Variants in RDH8 observed in about 807,000 individuals in gnomAD.
RDH8 encodes retinol dehydrogenase 8.
In RDH8, 14 loss-of-function variants were observed where a neutral mutation model predicts 22.3. That is an observed-to-expected ratio of 0.63 (90% CI 0.42 to 0.98). The LOEUF (loss-of-function observed/expected upper bound fraction) is 0.98. RDH8 is among the 50% of genes least tolerant of loss of function. RDH8 has a pLI of 0.00. For synonymous variants in RDH8, 175 were observed against 171.7 expected, an observed-to-expected ratio of 1.02 and a Z score of -0.15; for missense variants, 389 against 409.8, an observed-to-expected ratio of 0.95 and a Z score of 0.44.
At chr19:10,015,081 G>A (rs2087600306) in intron 1 of RDH8, among the ~76,000 whole-genome samples, 1 of 152,218 alleles carries the variant, frequency 6.6e-6, no homozygotes, top group East Asian at 1.9e-4. Context: ...GATTATGGGT[G>A]CACACATTGG....
rs1047632812 is a variant in RDH8, at chr19:10,013,513, C to T, written c.16C>T (p.Arg6Trp). The change falls in exon 1 of 6, where the codon CGG (arginine) becomes TGG (tryptophan). Residue 6 changes from arginine to tryptophan, a missense_variant. Physicochemically the swap from Arg to Trp is moderately radical, Grantham distance 101 (BLOSUM62 -3). Transcript: ENST00000591589. MAAAPRTVLISGCSSG... is the reference protein window; with the variant it reads MAAAPWTVLISGCSSG... Reference sequence around the variant, plus strand: ...GGGGATCAACATGGCCGCTGCACCCCGGACTGTGTTGATCTCCGGCTGCTC... The same window carrying T: ...GGGGATCAACATGGCCGCTGCACCCTGGACTGTGTTGATCTCCGGCTGCTC... 6.2e-6 allele frequency: 10 copies of T among 1,613,384 alleles called. No homozygotes were observed. Among genetic ancestry groups the T allele is most frequent in the African/African-American group, 4.0e-5 (3 of 74,878 alleles).
At chr19:10,021,153 AAC>A (rs913716860) in intron 4 of RDH8, 100 bp from the exon 5 acceptor site, 1 of 1,129,186 alleles carries the variant, frequency 8.9e-7, no homozygotes, top group African/African-American at 1.6e-5. Flanking sequence ...CAGCCTGGGC[AAC>A]AGAGTGAGAC....
In RDH8 at chr19:10,021,815, A is replaced by C. The variant is rs2087664573; in HGVS notation, c.*66A>C. Reference sequence around the variant, plus strand: ...ACCTCTTCATTCCACATCTAATTCAAAGGATGAACAGACTCTTCATTTATT... The same window carrying C: ...ACCTCTTCATTCCACATCTAATTCACAGGATGAACAGACTCTTCATTTATT... On this transcript the variant is annotated 3_prime_UTR_variant, in exon 6 of 6. Coordinates refer to ENST00000591589, the MANE Select transcript of RDH8 (RefSeq NM_015725.4). The C allele has an allele frequency of 4.8e-6, 7 of 1,461,678 alleles. No individual in the cohort carries two copies. The highest frequency in any genetic ancestry group is 6.6e-6 in the Non-Finnish European group (7 of 1,061,416). The allele number at this position is 1,461,678 out of a possible 1,614,324, so 90.5% of individuals were successfully genotyped here. A position where few individuals can be genotyped will look rare whatever the true frequency, so the allele number is the denominator to read the frequency against.
In RDH8 at chr19:10,021,580, A is replaced by G. The variant is rs767644287; in HGVS notation, c.767A>G (p.Gln256Arg). 3.1e-6 allele frequency: 5 copies of G among 1,614,162 alleles called. No homozygotes were observed. Among genetic ancestry groups the G allele is most frequent in the Non-Finnish European group, 4.2e-6 (5 of 1,180,020 alleles). Residue 256 changes from glutamine (Q) to arginine (R), a missense_variant, in exon 6 of 6, where the codon CAG becomes CGG. Transcript: ENST00000591589. ...ISSTRPPLRR[Q>R]TNIRYSPLTT... is the part of the protein sequence containing the mutation. ...TCGACTCGACCACCCCTGCGCCGAC[A>G]GACCAACATCCGCTACTCGCCGCTG...
At position 10,021,716 on chromosome 19, in the gene RDH8, C is replaced by T. The variant is rs201818108; in HGVS notation, c.903C>T (p.Cys301=). 28 of 1,613,920 alleles carry T rather than the reference C, an allele frequency of 1.7e-5. No individual in the cohort carries two copies. Among genetic ancestry groups the T allele is most frequent in the East Asian group, 6.7e-5 (3 of 44,890 alleles). ...LLNLGLQCLS[C]GCLPTRVRPR ...ACCTTGGCCTTCAATGTCTGTCCTG[C>T]GGCTGCCTCCCAACGCGGGTGCGGC... The change falls in exon 6 of 6, where the codon TGC becomes TGT. Residue 301 remains cysteine (C), a synonymous_variant. Transcript: ENST00000591589.
Position 10,020,730 on chromosome 19 carries a change from A to G in RDH8, c.464A>G (p.Tyr155Cys), listed in dbSNP as rs375491606. The G allele has an allele frequency of 6.2e-7, 1 of 1,610,740 alleles. No individual in the cohort carries two copies. The highest frequency in any genetic ancestry group is 8.5e-7 in the Non-Finnish European group (1 of 1,178,146). Residue 155 changes from tyrosine to cysteine, a missense_variant, in exon 4 of 6, where the codon TAT (tyrosine) becomes TGT (cysteine). Tyr to Cys is a radical substitution (Grantham distance 194). Coordinates refer to ENST00000591589, the MANE Select transcript of RDH8 (RefSeq NM_015725.4). ...GLQGVIFNDV[Y>C]AASKFALEGF... ...ACAGGTGTCATCTTCAACGATGTCT[A>G]TGCAGCTTCCAAGTTCGCCCTGGAG...
At chr19:10,018,170 CTGACCTCAGGTGA>C in intron 2 of RDH8, among the ~76,000 whole-genome samples, 1 of 152,228 alleles carries the variant, frequency 6.6e-6, no homozygotes, top group South Asian at 2.1e-4. Context: ...GTCTCGAAGC[CTGACCTCAGGTGA>C]TCCACTCACC....
In RDH8 at chr19:10,013,596, C is replaced by T. The variant is rs139049005; in HGVS notation, c.99C>T (p.Tyr33=). 1.9e-6 allele frequency: 3 copies of T among 1,613,930 alleles called. No homozygotes were observed. Among genetic ancestry groups the T allele is most frequent in the Non-Finnish European group, 2.5e-6 (3 of 1,180,010 alleles). ...VQLAHDPKKR[Y]QVVATMRDLG... Reference sequence around the variant, plus strand: ...TGGCCCATGACCCCAAGAAGCGCTACCAGGGTAAGAAGTGCAGGGTGGCAC... The same window carrying T: ...TGGCCCATGACCCCAAGAAGCGCTATCAGGGTAAGAAGTGCAGGGTGGCAC... Residue 33 remains tyrosine (Y), a synonymous_variant, in exon 1 of 6, where the codon TAC becomes TAT. Coordinates refer to ENST00000591589, the MANE Select transcript of RDH8 (RefSeq NM_015725.4).
Position 10,021,692 on chromosome 19 carries a change from C to T in RDH8, c.879C>T (p.Asn293=). ...RLLFRCPRLL[N]LGLQCLSCGC... ...TCTTCCGCTGTCCACGCCTCCTCAA[C>T]CTTGGCCTTCAATGTCTGTCCTGCG... The change falls in exon 6 of 6, where the codon AAC becomes AAT. Residue 293 remains asparagine (N), a synonymous_variant. Coordinates refer to ENST00000591589, the MANE Select transcript of RDH8 (RefSeq NM_015725.4). The T allele has an allele frequency of 6.2e-7, 1 of 1,614,140 alleles. No individual in the cohort carries two copies. Among genetic ancestry groups the T allele is most frequent in the East Asian group, 2.2e-5 (1 of 44,882 alleles).
At chr19:10,013,643 C>A (rs376678046) in intron 1 of RDH8, 43 bp downstream of exon 1, 9 of 1,608,296 alleles carry the variant, frequency 5.6e-6, no homozygotes, top group Non-Finnish European at 7.6e-6. Flanking sequence ...CGGGTGGAAA[C>A]GGCTTCCCCA....
Position 10,021,004 on chromosome 19 carries a change from C to G in RDH8, c.536+202C>G, listed in dbSNP as rs763162891. The G allele has an allele frequency of 6.7e-5, 42 of 627,306 alleles. 1 individual carries two copies. Among genetic ancestry groups the G allele is most frequent in the Non-Finnish European group, 1.1e-4 (38 of 360,280 alleles). 38.9% of individuals were successfully genotyped at this position (627,306 alleles called of 1,614,324 possible). ...CTGGGCAACATAGCGAGACCCCCAT[C>G]TCAGCCCAAAATTTAAAAATTAGCC... On this transcript the variant is annotated intron_variant, in intron 4 of 5. Transcript: ENST00000591589.
At chr19:10,016,762 ACAC>A (rs1319535707) in intron 1 of RDH8, among the ~76,000 whole-genome samples, 1 of 152,086 alleles carries the variant, frequency 6.6e-6, no homozygotes, top group Non-Finnish European at 1.5e-5. Flanking sequence ...TTGAGCCACC[ACAC>A]CTGGTGACTT....
Position 10,021,027 on chromosome 19 carries a change from G to A in RDH8, c.536+225G>A, listed in dbSNP as rs1169037335. 4 of 626,956 alleles carry A rather than the reference G, an allele frequency of 6.4e-6. No individual in the cohort carries two copies. In the Admixed American group the frequency reaches 1.2e-4, roughly 18 times the overall value. The allele number at this position is 626,956 out of a possible 1,614,324, so 38.8% of individuals were successfully genotyped here. On this transcript the variant is annotated intron_variant, in intron 4 of 5. Coordinates refer to ENST00000591589, the MANE Select transcript of RDH8 (RefSeq NM_015725.4). ...ATCTCAGCCCAAAATTTAAAAATTA[G>A]CCAAGGGTGGTGGTGTGTGTACCTG...
intron 1 of RDH8, among the ~76,000 whole-genome samples, chr19:10,015,642 A>G (rs185434552): frequency 0.071 from 10,632 of 150,542 alleles, 595 homozygotes; most frequent in South Asian, 0.23. Context: ...AAAAAAAAAA[A>G]GGGCATAAAA....
At chr19:10,019,867 G>T (rs138745844) in intron 3 of RDH8, among the ~76,000 whole-genome samples, 46 of 151,596 alleles carry the variant, frequency 3.0e-4, no homozygotes, top group African/African-American at 9.4e-4. Flanking sequence ...TTGGCCAGAT[G>T]TGGTGGTTCA....
intron 1 of RDH8, among the ~76,000 whole-genome samples, chr19:10,015,060 T>C (rs2087600086): frequency 1.3e-5 from 2 of 151,486 alleles, no homozygotes; most frequent in Non-Finnish European, 2.9e-5. Flanking sequence ...CCCCCAGGAG[T>C]GTTCATGGGT....
At position 10,017,084 on chromosome 19, in the gene RDH8, A is replaced by C; in HGVS notation, c.131A>C (p.Lys44Thr). 1 of 1,593,716 alleles carries C rather than the reference A, an allele frequency of 6.3e-7. No homozygotes were observed. The highest frequency in any genetic ancestry group is 1.1e-5 in the South Asian group (1 of 88,414). ...QVVATMRDLG[K>T]KETLEAAAGE... ...GTGGCCACCATGAGGGACCTGGGGA[A>C]GAAGGAGACACTGGAGGCAGCTGCT... The change falls in exon 2 of 6, where the codon AAG (lysine) becomes ACG (threonine). Residue 44 changes from lysine (K) to threonine (T), a missense_variant. Coordinates refer to ENST00000591589, the MANE Select transcript of RDH8 (RefSeq NM_015725.4).
At chr19:10,015,071 G>A (rs1042391727) in intron 1 of RDH8, among the ~76,000 whole-genome samples, 1 of 152,226 alleles carries the variant, frequency 6.6e-6, no homozygotes, top group African/African-American at 2.4e-5. Context: ...GTTCATGGGT[G>A]ATTATGGGTG....
At position 10,013,550 on chromosome 19, in the gene RDH8, G is replaced by A; in HGVS notation, c.53G>A (p.Gly18Asp). The A allele has an allele frequency of 6.2e-7, 1 of 1,610,234 alleles. No homozygotes were observed. The highest frequency in any genetic ancestry group is 8.5e-7 in the Non-Finnish European group (1 of 1,178,588). The stretch of plus-strand genomic sequence containing the variant: ...ATCTCCGGCTGCTCATCAGGAATTG[G>A]TCTGGAACTTGCAGTGCAACTGGCC... ...VLISGCSSGIGLELAVQLAHD... is the reference protein window; with the variant it reads ...VLISGCSSGIDLELAVQLAHD... Residue 18 changes from glycine (G) to aspartate (D), a missense_variant, in exon 1 of 6, where the codon GGT (glycine) becomes GAT (aspartate). Coordinates refer to ENST00000591589, the MANE Select transcript of RDH8 (RefSeq NM_015725.4).
Sources: gnomAD v4.1 joint callset for allele counts (sites outside exome capture counted in the v4.1 genomes callset) on GRCh38, gnomAD v4.1.1 for gene constraint, MANE v1.5 for transcripts, NCBI Gene and HGNC (gene_info 2026-07-23, HGNC 2026-07-21) for gene names.